The following KALRN variants were observed in gnomAD, a reference collection of about 807,000 sequenced individuals.
The protein encoded by KALRN is kalirin RhoGEF kinase, also known as kalirin.
Under a neutral mutation model 353.7 loss-of-function variants are expected in KALRN, and 70 were observed. The observed-to-expected ratio is 0.20, with a 90% confidence interval of 0.16 to 0.24. The LOEUF (loss-of-function observed/expected upper bound fraction) is 0.24, where lower values mean the gene tolerates loss of function less well. KALRN is among the 10% of genes least tolerant of loss of function. The probability of loss-of-function intolerance (pLI) is 1.00; values close to 1 mark genes in which losing one functional copy is unlikely to be tolerated. For synonymous variants in KALRN, 1,391 were observed against 1,434.8 expected, an observed-to-expected ratio of 0.97 and a Z score of 0.69; for missense variants, 2,791 against 3,756.7, an observed-to-expected ratio of 0.74 and a Z score of 6.72.
chr3:124,474,508 C>T (rs1384161171), intron 25 of KALRN, among the ~76,000 whole-genome samples, 155 bp from the exon 26 acceptor site: 2 of 151,938 alleles, frequency 1.3e-5, no homozygotes, highest in Non-Finnish European at 2.9e-5. Context: ...AAATTAGTTC[C>T]GACATTAAAA....
intron 57 of KALRN, among the ~76,000 whole-genome samples, chr3:124,712,655 A>AG (rs1280467697): frequency 2.7e-5 from 3 of 112,022 alleles, no homozygotes; most frequent in South Asian, 3.0e-4. Context: ...ACCCTGTCTC[A>AG]GAAAAAAAAA....
intron 34 of KALRN, among the ~76,000 whole-genome samples, chr3:124,599,268 T>C (rs2076568038): frequency 6.6e-6 from 1 of 152,208 alleles, no homozygotes; most frequent in South Asian, 2.1e-4. Flanking sequence ...CATGCTCACA[T>C]TTTTTAGGAC....
chr3:124,491,146 C>A (rs1470800556), intron 30 of KALRN, among the ~76,000 whole-genome samples, 177 bp from the exon 31 acceptor site: 3 of 152,136 alleles, frequency 2.0e-5, no homozygotes, highest in African/African-American at 4.8e-5. Context: ...CAGGCACGTG[C>A]CTGTAGGTCC....
chr3:124,080,450 A>G (rs939667328), intron 1 of KALRN, among the ~76,000 whole-genome samples: 1 of 152,194 alleles, frequency 6.6e-6, no homozygotes, highest in African/African-American at 2.4e-5. Flanking sequence ...CTTTCTGTGC[A>G]TTTACATAGA....
At chr3:124,649,049 CCT>C (rs2083083770) in intron 37 of KALRN, among the ~76,000 whole-genome samples, 1 of 152,156 alleles carries the variant, frequency 6.6e-6, no homozygotes, top group Non-Finnish European at 1.5e-5. Flanking sequence ...AAGACCCTGT[CCT>C]CTTAGTTCCA....
At chr3:124,168,836 G>T (rs1229712886) in intron 1 of KALRN, among the ~76,000 whole-genome samples, 1 of 152,146 alleles carries the variant, frequency 6.6e-6, no homozygotes, top group Non-Finnish European at 1.5e-5. Flanking sequence ...GATTTGGAAG[G>T]CATCTCCATG....
intron 1 of KALRN, among the ~76,000 whole-genome samples, chr3:124,068,830 C>G (rs2042594970): frequency 6.6e-6 from 1 of 151,924 alleles, no homozygotes; most frequent in Non-Finnish European, 1.5e-5. Context: ...TAAAGAAGAG[C>G]CCGCACTGAG....
chr3:124,135,566 G>A (rs141116566), intron 1 of KALRN, among the ~76,000 whole-genome samples: 85 of 152,242 alleles, frequency 5.6e-4, no homozygotes, highest in African/African-American at 1.9e-3. Context: ...AAAGGGTGTG[G>A]GGGTGTTAGA....
intron 34 of KALRN, among the ~76,000 whole-genome samples, chr3:124,575,002 G>A (rs1229245350): frequency 2.6e-5 from 4 of 152,216 alleles, no homozygotes; most frequent in Non-Finnish European, 5.9e-5. Context: ...CCTCACCGAG[G>A]ATCTATGTGG....
At chr3:124,379,621 C>T (rs2087051877) in intron 10 of KALRN, among the ~76,000 whole-genome samples, 2 of 152,224 alleles carry the variant, frequency 1.3e-5, no homozygotes, top group South Asian at 2.1e-4. Context: ...CTTCTGGGTA[C>T]TCCATCCAAC....
At chr3:124,144,663 T>C (rs1428661999) in intron 1 of KALRN, among the ~76,000 whole-genome samples, 1 of 151,652 alleles carries the variant, frequency 6.6e-6, no homozygotes, top group Non-Finnish European at 1.5e-5. Flanking sequence ...ATCCTCTTCC[T>C]CTTCCTCATC....
intron 10 of KALRN, among the ~76,000 whole-genome samples, chr3:124,356,482 C>T (rs569099892): frequency 3.0e-4 from 46 of 151,856 alleles, no homozygotes; most frequent in Admixed American, 1.9e-3. Context: ...TACAGGTGCC[C>T]GCCACCACAC....
At chr3:124,619,701 G>A (rs928445448) in intron 34 of KALRN, among the ~76,000 whole-genome samples, 1 of 151,862 alleles carries the variant, frequency 6.6e-6, no homozygotes, top group African/African-American at 2.4e-5. Context: ...TGTCCAGGCT[G>A]GTCTTGAACT....
intron 5 of KALRN, among the ~76,000 whole-genome samples, chr3:124,289,417 G>T (rs2076232818): frequency 6.6e-6 from 1 of 151,964 alleles, no homozygotes; most frequent in Non-Finnish European, 1.5e-5. Flanking sequence ...ACCTAGATTT[G>T]AGTCTTTAAT....
At chr3:124,595,220 T>A (rs1333529775) in intron 34 of KALRN, among the ~76,000 whole-genome samples, 1 of 152,090 alleles carries the variant, frequency 6.6e-6, no homozygotes, top group Non-Finnish European at 1.5e-5. Context: ...GATACAGAAG[T>A]GTTACAAACT....
intron 51 of KALRN, among the ~76,000 whole-genome samples, chr3:124,685,971 G>A (rs753921721): frequency 2.6e-5 from 4 of 151,840 alleles, no homozygotes; most frequent in Admixed American, 1.3e-4. Flanking sequence ...TTCACTCAGC[G>A]TGAGTTCCTA....
intron 1 of KALRN, among the ~76,000 whole-genome samples, chr3:124,099,833 A>C (rs1463973949): frequency 6.6e-6 from 1 of 152,206 alleles, no homozygotes; most frequent in African/African-American, 2.4e-5. Context: ...CATTAAAAAA[A>C]TATACCTGTT....
intron 34 of KALRN, among the ~76,000 whole-genome samples, chr3:124,580,435 T>C (rs555950173): frequency 6.6e-6 from 1 of 152,302 alleles, no homozygotes; most frequent in South Asian, 2.1e-4. Flanking sequence ...GCCTAAAAAA[T>C]GCTAATGCCT....
In KALRN at chr3:124,719,592, T is replaced by C. The variant is rs332512; in HGVS notation, c.*122T>C. 310,933 of 945,108 alleles carry C rather than the reference T, an allele frequency of 0.33. 54,316 individuals are homozygous for C. Among genetic ancestry groups the C allele is most frequent in the African/African-American group, 0.51 (30,563 of 59,682 alleles). 58.5% of individuals were successfully genotyped at this position (945,108 alleles called of 1,614,324 possible). On this transcript the variant is annotated 3_prime_UTR_variant, in exon 60 of 60. Coordinates refer to ENST00000682506, the MANE Select transcript of KALRN (RefSeq NM_001388419.1). This position sits in a 1 kb window ranked among gnomAD's most constrained non-coding sequence, Gnocchi z 5.3. ...GTGCAGTTCTCTGAATTGAGAGATG[T>C]ACCTCTTAAACCTCGTCAGTGGTTA...
Sources: gnomAD v4.1 joint callset for allele counts (sites outside exome capture counted in the v4.1 genomes callset) on GRCh38, gnomAD v4.1.1 for gene constraint, Gnocchi (gnomAD v3.1) non-coding constraint, MANE v1.5 for transcripts, NCBI Gene and HGNC (gene_info 2026-07-23, HGNC 2026-07-21) for gene names.